LY96: variants seen among roughly 807,000 people sequenced by gnomAD.
LY96 encodes the protein lymphocyte antigen 96, also known as myeloid differentiation protein-2.
Under a neutral mutation model 18.9 loss-of-function variants are expected in LY96, and 18 were observed. The ratio of observed to expected loss-of-function variants is 0.95; its 90% CI spans 0.66 to 1.41. The LOEUF (loss-of-function observed/expected upper bound fraction) is 1.41. Ranked by LOEUF, LY96 falls within the 40% of genes most tolerant of loss-of-function variation. LY96 has a pLI of 0.00. For synonymous variants in LY96, 66 were observed against 62.6 expected (o/e 1.06, Z -0.26); for missense variants, 175 against 182.4 (o/e 0.96, Z 0.23).
At chr8:73,992,945 C>T (rs1816039218) in intron 1 of LY96, among the ~76,000 whole-genome samples, 1 of 151,860 alleles carries the variant, frequency 6.6e-6, no homozygotes, top group African/African-American at 2.4e-5. Context: ...ACCTCTGCCT[C>T]CCAAGTTCAA....
chr8:74,054,643 T>C, the LY96 span, among the ~76,000 whole-genome samples: 11 of 134,152 alleles, frequency 8.2e-5, no homozygotes. Flanking sequence ...TTTCTTTCTT[T>C]CTTTCTTTCT....
chr8:74,037,355 G>A, the LY96 span, among the ~76,000 whole-genome samples: 6 of 152,156 alleles, frequency 3.9e-5, no homozygotes, highest in East Asian at 3.9e-4. Flanking sequence ...AGAGCCTGGC[G>A]TGGTGGGTCA....
chr8:74,054,725 G>A, the LY96 span, among the ~76,000 whole-genome samples: 72 of 141,974 alleles, frequency 5.1e-4, no homozygotes, highest in African/African-American at 9.5e-4. Flanking sequence ...GTGCAATGAC[G>A]TGATCATGGC....
At chr8:74,018,288 A>G (rs1336738790) in intron 3 of LY96, among the ~76,000 whole-genome samples, 1 of 152,204 alleles carries the variant, frequency 6.6e-6, no homozygotes, top group African/African-American at 2.4e-5. Context: ...CTCTGATAAA[A>G]CAGACTTTAA....
At chr8:74,083,043 A>C in the LY96 span, among the ~76,000 whole-genome samples, 1 of 152,004 alleles carries the variant, frequency 6.6e-6, no homozygotes, top group African/African-American at 2.4e-5. Context: ...TGTGTCCTGA[A>C]CCCATTTTCC....
chr8:74,004,355 T>C (rs950884970), intron 1 of LY96, among the ~76,000 whole-genome samples: 6 of 152,128 alleles, frequency 3.9e-5, no homozygotes, highest in Admixed American at 1.3e-4. Flanking sequence ...CGTGAAAAAG[T>C]TGGTGTTCTG....
intron 3 of LY96, among the ~76,000 whole-genome samples, chr8:74,017,475 T>C (rs1340271326): frequency 6.6e-6 from 1 of 152,156 alleles, no homozygotes; most frequent in Non-Finnish European, 1.5e-5. Flanking sequence ...TGGAAAACAC[T>C]CTTCAGGATA....
chr8:74,036,275 G>A, the LY96 span, among the ~76,000 whole-genome samples: 2 of 152,206 alleles, frequency 1.3e-5, no homozygotes, highest in Non-Finnish European at 2.9e-5. Context: ...ATTATGGGAG[G>A]TGCCTGAATT....
chr8:74,080,990 CTTTCTTTCTTTCTTTCTTTCTT>C, the LY96 span, among the ~76,000 whole-genome samples: 7 of 78,926 alleles, frequency 8.9e-5, no homozygotes, highest in African/African-American at 5.3e-4. Flanking sequence ...CTCTCTCTTT[CTTTCTTTCTTTCTTTCTTTCTT>C]TCTTTCTTTC....
At chr8:74,021,422 T>C (rs1297820899) in intron 3 of LY96, among the ~76,000 whole-genome samples, 2 of 152,068 alleles carry the variant, frequency 1.3e-5, no homozygotes, top group African/African-American at 4.8e-5. Context: ...CAAGAAACAA[T>C]AGGTGCTGCA....
chr8:74,063,288 C>T, the LY96 span, among the ~76,000 whole-genome samples: 1 of 152,188 alleles, frequency 6.6e-6, no homozygotes, highest in African/African-American at 2.4e-5. Flanking sequence ...AGAAGTCACA[C>T]ATATTATCCT....
chr8:74,019,375 A>C (rs1284203077), intron 3 of LY96, among the ~76,000 whole-genome samples: 1 of 152,246 alleles, frequency 6.6e-6, no homozygotes, highest in Non-Finnish European at 1.5e-5. Context: ...ACCAGGAAGA[A>C]GTCGAATCCC....
At chr8:74,007,504 C>G (rs1816439288) in intron 2 of LY96, among the ~76,000 whole-genome samples, 1 of 152,140 alleles carries the variant, frequency 6.6e-6, no homozygotes, top group Non-Finnish European at 1.5e-5. Context: ...TGGAAATCAA[C>G]CTTATTTTTA....
chr8:73,997,254 TATTAC>T (rs1816169180), intron 1 of LY96, among the ~76,000 whole-genome samples: 1 of 152,232 alleles, frequency 6.6e-6, no homozygotes, highest in Non-Finnish European at 1.5e-5. Context: ...TTCCCTCACC[TATTAC>T]ATTATTGTAT....
chr8:74,081,039 TTTC>T, the LY96 span, among the ~76,000 whole-genome samples: 2 of 119,868 alleles, frequency 1.7e-5, no homozygotes, highest in Admixed American at 8.1e-5. Flanking sequence ...TCTTTCTTTC[TTTC>T]TTTCTTTTTC....
intron 3 of LY96, among the ~76,000 whole-genome samples, chr8:74,023,004 C>G (rs1017804541): frequency 2.0e-5 from 3 of 152,012 alleles, no homozygotes; most frequent in Non-Finnish European, 2.9e-5. Flanking sequence ...ACGGAAGGGC[C>G]CCATGCTTGG....
the LY96 span, among the ~76,000 whole-genome samples, chr8:74,038,798 T>A: frequency 1.3e-5 from 2 of 152,244 alleles, no homozygotes; most frequent in Non-Finnish European, 2.9e-5. Flanking sequence ...AAATCTTGGC[T>A]ATTGTGAATA....
At chr8:74,063,137 G>T in the LY96 span, among the ~76,000 whole-genome samples, 1 of 152,168 alleles carries the variant, frequency 6.6e-6, no homozygotes, top group Non-Finnish European at 1.5e-5. Context: ...ATGGCTATTG[G>T]TTGAAGGTCT....
chr8:74,075,651 G>T, the LY96 span, among the ~76,000 whole-genome samples: 1 of 152,120 alleles, frequency 6.6e-6, no homozygotes, highest in African/African-American at 2.4e-5. Context: ...GATAAAGTGA[G>T]ACTTTTAAAA....
Sources: allele counts gnomAD v4.1 joint callset (sites outside exome capture counted in the v4.1 genomes callset), GRCh38; gene constraint gnomAD v4.1.1; transcripts MANE v1.5; gene names NCBI Gene and HGNC (gene_info 2026-07-23, HGNC 2026-07-21).